The following MYO3B variants were observed in gnomAD, a reference collection of about 807,000 sequenced individuals.
MYO3B encodes myosin-IIIb.
In MYO3B, 156 loss-of-function variants were observed where a neutral mutation model predicts 174.6. The observed-to-expected ratio is 0.89, with a 90% CI of 0.78 to 1.02. The LOEUF is 1.02. Among genes scored for constraint, MYO3B ranks in the 50% least tolerant of loss-of-function variants. The pLI, the probability that MYO3B is intolerant of heterozygous loss-of-function variation, is 0.00. For missense variants in MYO3B, 1,632 were observed against 1,639.4 expected (o/e 1.00, Z 0.08); for synonymous variants, 563 against 569.1 (o/e 0.99, Z 0.15).
In MYO3B at chr2:170,416,614, T is replaced by A. The variant is rs372066870; in HGVS notation, c.2650+8770T>A. Among the ~76,000 whole-genome samples the A allele has an allele frequency of 5.6e-4, 79 of 139,910 alleles. 3 individuals carry two copies. The East Asian group carries it at 0.018, about 31-fold the overall frequency. The allele number at this position is 139,910 out of a possible 152,430, so 91.8% of individuals were successfully genotyped here. On this transcript the variant is annotated intron_variant, in intron 22 of 34. Coordinates refer to ENST00000408978, the MANE Select transcript of MYO3B (RefSeq NM_138995.5). Reference sequence around the variant, plus strand: ...GATCCTCATCACACCTAGAATAAAATCCAAACTCCTTTTTTTTTTTTTTTT... The same window carrying A: ...GATCCTCATCACACCTAGAATAAAAACCAAACTCCTTTTTTTTTTTTTTTT...
chr2:170,541,480 C>T (rs1690101769), intron 30 of MYO3B, among the ~76,000 whole-genome samples: 1 of 152,202 alleles, frequency 6.6e-6, no homozygotes, highest in South Asian at 2.1e-4. Context: ...AATCTCTTAA[C>T]CTCTCTGAAC....
intron 32 of MYO3B, among the ~76,000 whole-genome samples, chr2:170,647,543 AT>A (rs1182660203): frequency 1.3e-5 from 2 of 152,226 alleles, no homozygotes; most frequent in African/African-American, 4.8e-5. Context: ...AAGTTACAGC[AT>A]TCTTTGCAGA....
At chr2:170,351,733 G>A (rs571809178) in intron 8 of MYO3B, among the ~76,000 whole-genome samples, 1 of 152,128 alleles carries the variant, frequency 6.6e-6, no homozygotes, top group East Asian at 1.9e-4. Context: ...CTAAAGCTGA[G>A]GAAGACAACC....
chr2:170,271,531 C>G (rs933822483), intron 7 of MYO3B, among the ~76,000 whole-genome samples: 1 of 152,292 alleles, frequency 6.6e-6, no homozygotes, highest in Middle Eastern at 3.4e-3. Context: ...ATATTTGATG[C>G]TTTTAACCTC....
chr2:170,514,686 A>G (rs1445241543), intron 28 of MYO3B, among the ~76,000 whole-genome samples: 1 of 152,188 alleles, frequency 6.6e-6, no homozygotes, highest in Non-Finnish European at 1.5e-5. Context: ...GCTAGTAGAG[A>G]ATCTGGCCAG....
At chr2:170,363,308 A>G (rs947836261) in intron 8 of MYO3B, among the ~76,000 whole-genome samples, 3 of 152,054 alleles carry the variant, frequency 2.0e-5, no homozygotes. Flanking sequence ...TACCCAGTTT[A>G]CTAGTATTTT....
At chr2:170,539,198 A>G (rs1689920455) in intron 30 of MYO3B, among the ~76,000 whole-genome samples, 1 of 152,214 alleles carries the variant, frequency 6.6e-6, no homozygotes, top group Non-Finnish European at 1.5e-5. Context: ...CGAGCCATAA[A>G]ATAGGATTAT....
At chr2:170,648,622 C>A (rs1015324999) in intron 32 of MYO3B, among the ~76,000 whole-genome samples, 66 of 60,196 alleles carry the variant, frequency 1.1e-3, no homozygotes, top group African/African-American at 2.8e-3. Flanking sequence ...GACTCTGTCT[C>A]AAAAAATATG....
chr2:170,328,843 ATT>A lies in MYO3B; in HGVS notation c.750-6541_750-6540del, dbSNP rs542323584. 2.1e-3 allele frequency among the ~76,000 whole-genome samples: 317 copies of A among 152,214 alleles called. 1 individual carries two copies. Among genetic ancestry groups the A allele is most frequent in the African/African-American group, 7.5e-3 (312 of 41,530 alleles). On this transcript the variant is annotated intron_variant, in intron 7 of 34. Transcript: ENST00000408978. ...GGTGTATAATCCCATTTCTATTGGG[ATT>A]ATACTCTCAACTATATTATAAAAAT... is the stretch of plus-strand genomic sequence containing the variant.
chr2:170,340,013 T>C (rs2093967689), intron 8 of MYO3B, among the ~76,000 whole-genome samples: 1 of 152,204 alleles, frequency 6.6e-6, no homozygotes, highest in Admixed American at 6.5e-5. Flanking sequence ...GCCAGACTTC[T>C]GCTTTGTCAG....
At chr2:170,535,126 C>T (rs2106182873) in intron 30 of MYO3B, among the ~76,000 whole-genome samples, 1 of 152,204 alleles carries the variant, frequency 6.6e-6, no homozygotes, top group Non-Finnish European at 1.5e-5. Context: ...CAATTTGTGT[C>T]TGCTACTTGA....
intron 22 of MYO3B, among the ~76,000 whole-genome samples, chr2:170,432,098 G>A (rs1304141907): frequency 2.0e-5 from 3 of 152,146 alleles, no homozygotes; most frequent in South Asian, 2.1e-4. Flanking sequence ...ACTGGTTTAC[G>A]TATGTGCTAT....
At chr2:170,182,588 T>C (rs189182996) in intron 1 of MYO3B, among the ~76,000 whole-genome samples, 436 of 151,402 alleles carry the variant, frequency 2.9e-3, no homozygotes, top group Non-Finnish European at 5.1e-3. Context: ...AAAATTTTCA[T>C]GTTATGTGTT....
At chr2:170,471,005 A>G (rs1684946762) in intron 25 of MYO3B, among the ~76,000 whole-genome samples, 1 of 148,294 alleles carries the variant, frequency 6.7e-6, no homozygotes, top group Non-Finnish European at 1.5e-5. Context: ...TTTTTTAATG[A>G]GCTACTGGTC....
chr2:170,419,532 G>C (rs1230044593), intron 22 of MYO3B, among the ~76,000 whole-genome samples: 4 of 152,156 alleles, frequency 2.6e-5, no homozygotes, highest in Non-Finnish European at 5.9e-5. Context: ...GGGGTTATTA[G>C]GGCTCCAACA....
intron 30 of MYO3B, among the ~76,000 whole-genome samples, chr2:170,538,210 C>CTTTT (rs1210597014): frequency 2.6e-5 from 4 of 152,190 alleles, no homozygotes; most frequent in African/African-American, 9.7e-5. Context: ...GAGCACCCTG[C>CTTTT]TTCTTTTGCT....
At chr2:170,487,264 A>G (rs961641041) in intron 25 of MYO3B, among the ~76,000 whole-genome samples, 2 of 152,212 alleles carry the variant, frequency 1.3e-5, no homozygotes, top group African/African-American at 2.4e-5. Flanking sequence ...ATATACCCCT[A>G]AAGTATACTC....
intron 32 of MYO3B, among the ~76,000 whole-genome samples, chr2:170,610,394 G>A (rs1304597541): frequency 6.6e-6 from 1 of 152,000 alleles, no homozygotes; most frequent in Admixed American, 6.6e-5. Context: ...ATTGCTGAAT[G>A]AGCTGATTTA....
intron 32 of MYO3B, among the ~76,000 whole-genome samples, chr2:170,593,378 C>T (rs1693943200): frequency 6.6e-6 from 1 of 152,200 alleles, no homozygotes; most frequent in Non-Finnish European, 1.5e-5. Flanking sequence ...GCTGGGGTTG[C>T]AGGCATGAGC....
Sources: allele counts gnomAD v4.1 joint callset (sites outside exome capture counted in the v4.1 genomes callset), GRCh38; gene constraint gnomAD v4.1.1; transcripts MANE v1.5; gene names NCBI Gene and HGNC (gene_info 2026-07-23, HGNC 2026-07-21).